Variants in SFI1 observed in about 807,000 individuals in gnomAD.
SFI1 encodes the protein protein SFI1 homolog.
In SFI1, 195 loss-of-function variants were observed where a neutral mutation model predicts 207.5. That is an observed-to-expected ratio of 0.94 (90% CI 0.84 to 1.06). The LOEUF is 1.06. Ranked by LOEUF, SFI1 falls within the 50% of genes least tolerant of loss-of-function variation. The probability of loss-of-function intolerance (pLI) is 0.00; values close to 1 mark genes in which losing one functional copy is unlikely to be tolerated. For synonymous variants in SFI1, 630 were observed against 598.9 expected, an observed-to-expected ratio of 1.05 and a Z score of -0.76; for missense variants, 1,634 against 1,588.0, an observed-to-expected ratio of 1.03 and a Z score of -0.49.
chr22:31,607,761 G>A, intron 21 of SFI1, 176 bp from the exon 22 acceptor site: 1 of 527,668 alleles, frequency 1.9e-6, no homozygotes, highest in Non-Finnish European at 3.4e-6. Context: ...AGGGGCTGGG[G>A]CCCTGTCCTA....
In SFI1 at chr22:31,589,579, T is replaced by C. The variant is rs1160487659; in HGVS notation, c.1544+2T>C. The C allele has an allele frequency of 1.2e-6, 2 of 1,611,128 alleles. No individual in the cohort carries two copies. Among genetic ancestry groups the C allele is most frequent in the Middle Eastern group, 1.7e-4 (1 of 6,032 alleles). The stretch of plus-strand genomic sequence containing the variant: ...TGCAAGAGCAACACGTTTCCACAGG[T>C]ATGTTGCGCAGCTCCTGTCTGCACT... On this transcript the variant is annotated splice_donor_variant, in intron 15 of 32. Coordinates refer to ENST00000400288, the MANE Select transcript of SFI1 (RefSeq NM_001007467.3). LOFTEE classifies it high-confidence loss of function.
rs1253248107 is a variant in SFI1 at position 31,518,204 on chromosome 22, GGT to G, written c.92+9829_92+9830del. Among the ~76,000 whole-genome samples the G allele has an allele frequency of 6.6e-5, 10 of 152,156 alleles. No individual in the cohort carries two copies. In the East Asian group the frequency reaches 1.9e-3, roughly 29 times the overall value. ...ATTTCACCATGTTGGCCAGGCTGGTGGTCTTGAACTCCTGTCCTCAGTCAAGG... is the reference window on the plus strand; with the variant it reads ...ATTTCACCATGTTGGCCAGGCTGGTGCTTGAACTCCTGTCCTCAGTCAAGG... On this transcript the variant is annotated intron_variant, in intron 2 of 32. Transcript: ENST00000400288.
chr22:31,589,495 G>A lies in SFI1; in HGVS notation c.1462G>A (p.Ala488Thr). ...TCATTTCCAGCAGAGAGCCCTGCCT[G>A]CTGCCTTCCACACATGGAACAGACT... is the stretch of plus-strand genomic sequence containing the variant. ...DGHFQQRALP[A>T]AFHTWNRLWR... The change falls in exon 15 of 33, where the codon GCT (alanine) becomes ACT (threonine). Residue 488 changes from alanine (A) to threonine (T), a missense_variant. By Grantham distance (58) the Ala-to-Thr change is moderately conservative. Coordinates refer to ENST00000400288, the MANE Select transcript of SFI1 (RefSeq NM_001007467.3). The A allele has an allele frequency of 6.2e-7, 1 of 1,613,952 alleles. No homozygotes were observed. Among genetic ancestry groups the A allele is most frequent in the South Asian group, 1.1e-5 (1 of 91,032 alleles).
intron 15 of SFI1, among the ~76,000 whole-genome samples, chr22:31,600,876 A>ACCAGT (rs1286447461): frequency 1.3e-5 from 2 of 152,240 alleles, no homozygotes; most frequent in Non-Finnish European, 2.9e-5. Context: ...CAGATCCAGG[A>ACCAGT]CCAGTGACTG....
At chr22:31,505,025 C>T (rs2054399971) in intron 1 of SFI1, among the ~76,000 whole-genome samples, 1 of 152,106 alleles carries the variant, frequency 6.6e-6, no homozygotes, top group Non-Finnish European at 1.5e-5. Flanking sequence ...ATTCAACCCA[C>T]AACACTGCTA....
At chr22:31,592,622 A>G (rs1222544035) in intron 15 of SFI1, among the ~76,000 whole-genome samples, 3 of 11,558 alleles carry the variant, frequency 2.6e-4, no homozygotes, top group Admixed American at 2.1e-3. Context: ...GCGGCTGGCC[A>G]GGCGGAGGGC....
rs1255206285 is a variant in SFI1 at position 31,604,312 on chromosome 22, C to T, written c.1885C>T (p.Leu629=). 1.7e-5 allele frequency: 27 copies of T among 1,572,964 alleles called. No individual in the cohort carries two copies. Among genetic ancestry groups the T allele is most frequent in the Non-Finnish European group, 2.2e-5 (26 of 1,160,996 alleles). Residue 629 remains leucine (L), a synonymous_variant, in exon 19 of 33, where the codon CTG becomes TTG. Coordinates refer to ENST00000400288, the MANE Select transcript of SFI1 (RefSeq NM_001007467.3). ...RWAWSQWREC[L]ALRGAERQKL... ...CTGCTTTCTCCTCTGTCTGCAGTGC[C>T]TGGCCCTGCGGGGAGCGGAGCGGCA... is the stretch of plus-strand genomic sequence containing the variant.
rs1300021918 is a variant in SFI1, at chr22:31,604,409, G to T, written c.1977+5G>T. 6.6e-7 allele frequency: 1 copy of T among 1,516,708 alleles called. No homozygotes were observed. 94.0% of individuals were successfully genotyped at this position (1,516,708 alleles called of 1,614,324 possible). On this transcript the variant is annotated splice_donor_5th_base_variant and intron_variant, in intron 19 of 32. Coordinates refer to ENST00000400288, the MANE Select transcript of SFI1 (RefSeq NM_001007467.3). ...AGGGCGCTGCAGGCATGGGTGGTAG[G>T]AACTGCTGCTTCCCTCCTGATCTTG...
At position 31,616,884 on chromosome 22, in the gene SFI1, A is replaced by G; in HGVS notation, c.3433+7A>G. On this transcript the variant is annotated splice_region_variant and intron_variant, in intron 30 of 32. Coordinates refer to ENST00000400288, the MANE Select transcript of SFI1 (RefSeq NM_001007467.3). ...CCTGGACTTTCAACTGCAGGTGTGT[A>G]CCTGGGGCCTGTCAGGGCAGAAAGC... The G allele has an allele frequency of 6.2e-7, 1 of 1,609,334 alleles. No homozygotes were observed. Among genetic ancestry groups the G allele is most frequent in the South Asian group, 1.1e-5 (1 of 90,258 alleles).
At chr22:31,498,798 T>C (rs1474643642) in intron 1 of SFI1, among the ~76,000 whole-genome samples, 1 of 151,822 alleles carries the variant, frequency 6.6e-6, no homozygotes, top group Non-Finnish European at 1.5e-5. Context: ...AGCCTAAAAA[T>C]GTGACCAATT....
chr22:31,583,953 G>A lies in SFI1; in HGVS notation c.1327G>A (p.Ala443Thr). The change falls in exon 13 of 33, where the codon GCT becomes ACT. Residue 443 changes from alanine (A) to threonine (T), a missense_variant. Physicochemically the swap from Ala to Thr is moderately conservative, Grantham distance 58 (BLOSUM62 0). Transcript: ENST00000400288. ...AAGAGAGCTGCTCCCCTTACTGCAT[G>A]CTGCCTGGGACCACTACAGGTAGGG... ...KERELLPLLH[A>T]AWDHYRIALL... The A allele has an allele frequency of 6.2e-7, 1 of 1,614,082 alleles. No individual in the cohort carries two copies. Among genetic ancestry groups the A allele is most frequent in the Non-Finnish European group, 8.5e-7 (1 of 1,179,976 alleles).
chr22:31,566,543 C>T (rs1449279733), intron 8 of SFI1, among the ~76,000 whole-genome samples: 3 of 152,180 alleles, frequency 2.0e-5, no homozygotes, highest in Non-Finnish European at 4.4e-5. Context: ...TCAGACTGTC[C>T]AAGTGGAATT....
At chr22:31,596,570 C>T (rs1358797594) in intron 15 of SFI1, among the ~76,000 whole-genome samples, 1 of 151,976 alleles carries the variant, frequency 6.6e-6, no homozygotes, top group South Asian at 2.1e-4. Context: ...GCAGGTGGAT[C>T]ACCTGAGGTC....
intron 6 of SFI1, among the ~76,000 whole-genome samples, chr22:31,555,242 C>A (rs2061049240): frequency 6.6e-6 from 1 of 152,124 alleles, no homozygotes; most frequent in Non-Finnish European, 1.5e-5. Flanking sequence ...AATCCCAGCA[C>A]TTTGGGAGGC....
chr22:31,502,435 C>T (rs1014646981), intron 1 of SFI1, among the ~76,000 whole-genome samples: 4 of 151,002 alleles, frequency 2.6e-5, no homozygotes, highest in Admixed American at 1.3e-4. Flanking sequence ...AGTGTAATGG[C>T]GTGATCTCGG....
intron 15 of SFI1, among the ~76,000 whole-genome samples, chr22:31,592,999 T>C (rs1215558453): frequency 1.0e-5 from 1 of 96,160 alleles, no homozygotes; most frequent in Non-Finnish European, 2.0e-5. Context: ...CCCCCCCACC[T>C]CCCTCCCGGA....
rs1019349510 is a variant in SFI1 at position 31,552,398 on chromosome 22, G to A, written c.544+2050G>A. On this transcript the variant is annotated intron_variant, in intron 6 of 32. Transcript: ENST00000400288. ...CTCTCAAGTACCTGGGACTACAGGC[G>A]TGTGCCACCATGCCCAACTAATTTT... is the stretch of plus-strand genomic sequence containing the variant. Among the ~76,000 whole-genome samples the A allele has an allele frequency of 3.9e-5, 6 of 152,102 alleles. 1 individual carries two copies. The highest frequency in any genetic ancestry group is 7.2e-5 in the African/African-American group (3 of 41,518).
At chr22:31,568,531 CAAAAAAA>C (rs60447566) in intron 8 of SFI1, among the ~76,000 whole-genome samples, 1 of 37,430 alleles carries the variant, frequency 2.7e-5, no homozygotes, top group Non-Finnish European at 5.0e-5. Context: ...GACCCTGTCT[CAAAAAAA>C]AAAAAAAAAA....
chr22:31,612,205 C>T (rs188677024), intron 24 of SFI1: 9,786 of 388,254 alleles, frequency 0.025, 185 homozygotes, highest in South Asian at 0.063. Context: ...GGTGAAACCC[C>T]GTCTCTACTA....
Sources: allele counts gnomAD v4.1 joint callset (sites outside exome capture counted in the v4.1 genomes callset), GRCh38; gene constraint gnomAD v4.1.1; transcripts MANE v1.5; gene names NCBI Gene and HGNC (gene_info 2026-07-23, HGNC 2026-07-21).